Variants in PHRF1 observed in about 807,000 individuals in gnomAD.
PHRF1 encodes PHD and RING finger domain-containing protein 1.
A neutral mutation model predicts 128.9 loss-of-function variants in PHRF1; 53 were observed. That is an observed-to-expected ratio of 0.41 (90% CI 0.33 to 0.52). The LOEUF (loss-of-function observed/expected upper bound fraction) is 0.52, where lower values mean the gene tolerates loss of function less well. Ranked by LOEUF, PHRF1 falls within the 20% of genes least tolerant of loss-of-function variation. The pLI, the probability that PHRF1 is intolerant of heterozygous loss-of-function variation, is 0.21. For synonymous variants in PHRF1, 1,178 were observed against 980.6 expected, an observed-to-expected ratio of 1.20 and a Z score of -3.76; for missense variants, 2,503 against 2,284.5, an observed-to-expected ratio of 1.10 and a Z score of -1.95.
At chr11:576,857 AGACTGGGAG>A (rs1853877228) in intron 1 of PHRF1, among the ~76,000 whole-genome samples, 1 of 68,662 alleles carries the variant, frequency 1.5e-5, no homozygotes, top group South Asian at 4.2e-4. Context: ...GGCCCCGCCG[AGACTGGGAG>A]GCCCCGCCGA....
At chr11:582,357 C>T (rs778955797) in intron 3 of PHRF1, among the ~76,000 whole-genome samples, 14 of 151,414 alleles carry the variant, frequency 9.2e-5, no homozygotes, top group Non-Finnish European at 1.5e-4. Context: ...TTCTGCCTCC[C>T]GGGTTCAAGT....
At chr11:609,755 C>G (rs763344152) in intron 14 of PHRF1, 35 bp downstream of exon 14, 8 of 1,380,858 alleles carry the variant, frequency 5.8e-6, no homozygotes, top group Middle Eastern at 2.6e-4. Context: ...GAGGACAGAG[C>G]CCCCAGTGAG....
Position 605,306 on chromosome 11 carries a change from T to C in PHRF1, c.1334+6T>C. The C allele has an allele frequency of 1.2e-6, 2 of 1,611,942 alleles. No individual in the cohort carries two copies. The highest frequency in any genetic ancestry group is 1.1e-5 in the South Asian group (1 of 91,050). Reference sequence around the variant, plus strand: ...GAGCTGGATCCCTTCGACAGGTGAGTGAACTGGTGATGGTCCTGCCTGGGC... The same window carrying C: ...GAGCTGGATCCCTTCGACAGGTGAGCGAACTGGTGATGGTCCTGCCTGGGC... On this transcript the variant is annotated splice_donor_region_variant and intron_variant, in intron 11 of 17. Coordinates refer to ENST00000264555, the MANE Select transcript of PHRF1 (RefSeq NM_001286581.2).
At chr11:610,398 C>T (rs185727418) in intron 15 of PHRF1, 51 bp downstream of exon 15, 1,161 of 1,533,850 alleles carry the variant, frequency 7.6e-4, no homozygotes, top group Non-Finnish European at 9.2e-4. Flanking sequence ...GCCTGGCACC[C>T]GTGCCACACA....
At chr11:583,495 C>A (rs1460058293) in intron 3 of PHRF1, among the ~76,000 whole-genome samples, 4 of 152,152 alleles carry the variant, frequency 2.6e-5, no homozygotes, top group Non-Finnish European at 5.9e-5. Flanking sequence ...CCAGCCTGGG[C>A]CACAGAGCGA....
chr11:606,678 A>C, intron 13 of PHRF1, 82 bp downstream of exon 13: 4 of 1,480,508 alleles, frequency 2.7e-6, no homozygotes, highest in Non-Finnish European at 3.6e-6. Flanking sequence ...CCCATGTCTC[A>C]GTCACGGAAG....
At chr11:609,981 G>A (rs902270322) in intron 14 of PHRF1, among the ~76,000 whole-genome samples, 3 of 152,216 alleles carry the variant, frequency 2.0e-5, no homozygotes, top group South Asian at 2.1e-4. Flanking sequence ...AGTGGGTGTG[G>A]GGGTCTCCTG....
At chr11:602,761 GT>G (rs1374012486) in intron 10 of PHRF1, among the ~76,000 whole-genome samples, 1 of 137,124 alleles carries the variant, frequency 7.3e-6, no homozygotes, top group African/African-American at 3.3e-5. Context: ...TTTTGTTTTT[GT>G]TTTTTTTGTT....
At chr11:590,852 C>T (rs776713508) in intron 4 of PHRF1, among the ~76,000 whole-genome samples, 22 of 151,934 alleles carry the variant, frequency 1.4e-4, no homozygotes, top group Non-Finnish European at 2.5e-4. Flanking sequence ...TACAGGTATG[C>T]GCCACCACAC....
chr11:604,397 G>A (rs1422340815), intron 10 of PHRF1, among the ~76,000 whole-genome samples: 6 of 152,262 alleles, frequency 3.9e-5, no homozygotes, highest in African/African-American at 7.2e-5. Context: ...TGCCCTGTCC[G>A]CTCTGCCTAG....
At chr11:586,137 A>G (rs1295716685) in intron 3 of PHRF1, among the ~76,000 whole-genome samples, 5 of 152,174 alleles carry the variant, frequency 3.3e-5, no homozygotes, top group Non-Finnish European at 4.4e-5. Flanking sequence ...CTAGGATTAC[A>G]GGCTTGAGCC....
Position 587,323 on chromosome 11 carries a change from G to A in PHRF1, c.279G>A (p.Leu93=). 1 of 1,613,760 alleles carries A rather than the reference G, an allele frequency of 6.2e-7. No individual in the cohort carries two copies. The highest frequency in any genetic ancestry group is 1.3e-5 in the African/African-American group (1 of 75,056). ...AGGTAGCGGGTACTCAGGGGAAACT[G>A]GAAGCCGCTGGCTCTTTCAATTCTG... ...LLEVAGTQGK[L]EAAGSFNSDD... The change falls in exon 4 of 18, where the codon CTG becomes CTA. Residue 93 remains leucine, a synonymous_variant. Transcript: ENST00000264555.
At chr11:611,513 G>A (rs148312667) in intron 17 of PHRF1, 121 bp from the exon 18 acceptor site, 20,365 of 1,405,672 alleles carry the variant, frequency 0.014, 177 homozygotes, top group Middle Eastern at 0.04. Context: ...GTCTGTCTGC[G>A]TGCTGCACCT....
chr11:607,946 C>T lies in PHRF1; in HGVS notation c.2490C>T (p.Tyr830=), dbSNP rs553665434. Residue 830 remains tyrosine, a synonymous_variant, in exon 14 of 18, where the codon TAC becomes TAT. Coordinates refer to ENST00000264555, the MANE Select transcript of PHRF1 (RefSeq NM_001286581.2). ...CGAAGCAGCTGCGGAGCGAGGTCTACGACCCATCCGACCCCACCGGCTCCG... is the reference window on the plus strand; with the variant it reads ...CGAAGCAGCTGCGGAGCGAGGTCTATGACCCATCCGACCCCACCGGCTCCG... ...KKTKQLRSEV[Y]DPSDPTGSDS... The T allele has an allele frequency of 4.5e-5, 72 of 1,612,192 alleles. No homozygotes were observed. Among genetic ancestry groups the T allele is most frequent in the Non-Finnish European group, 5.4e-5 (64 of 1,179,864 alleles).
Position 605,188 on chromosome 11 carries a change from A to G in PHRF1, c.1222A>G (p.Ile408Val). 1 of 1,613,592 alleles carries G rather than the reference A, an allele frequency of 6.2e-7. No homozygotes were observed. The highest frequency in any genetic ancestry group is 8.5e-7 in the Non-Finnish European group (1 of 1,179,872). The change falls in exon 11 of 18, where the codon ATC (isoleucine) becomes GTC (valine). Residue 408 changes from isoleucine to valine, a missense_variant. Transcript: ENST00000264555. ...GLRRPVHSSC[I>V]PSVLKPVEPS... ...GCGCAGGCCTGTTCACAGCAGCTGC[A>G]TCCCGTCAGTGTTGAAGCCAGTGGA...
intron 6 of PHRF1, among the ~76,000 whole-genome samples, chr11:592,945 G>A (rs2132952012): frequency 6.6e-6 from 1 of 152,358 alleles, no homozygotes; most frequent in Admixed American, 6.5e-5. Context: ...AGGAGGCTGT[G>A]GGGCTGGTCA....
At position 587,279 on chromosome 11, in the gene PHRF1, G is replaced by A. The variant is rs375337887; in HGVS notation, c.235G>A (p.Asp79Asn). 48 of 1,613,364 alleles carry A rather than the reference G, an allele frequency of 3.0e-5. No individual in the cohort carries two copies. The highest frequency in any genetic ancestry group is 2.8e-4 in the Admixed American group (17 of 59,996). The change falls in exon 4 of 18, where the codon GAC (aspartate) becomes AAC (asparagine). Residue 79 changes from aspartate (D) to asparagine (N), a missense_variant. By Grantham distance (23) the Asp-to-Asn change is conservative (BLOSUM62 1). Coordinates refer to ENST00000264555, the MANE Select transcript of PHRF1 (RefSeq NM_001286581.2). ...DRSGSEDSEDDGETLLEVAGT... is the reference protein window; with the variant it reads ...DRSGSEDSEDNGETLLEVAGT... ...TCCAGGTTCCGAGGATTCTGAAGAC[G>A]ACGGGGAGACATTGCTGGAGGTAGC...
At chr11:610,459 C>T (rs1275081133) in intron 15 of PHRF1, 42 bp from the exon 16 acceptor site, 1 of 1,579,442 alleles carries the variant, frequency 6.3e-7, no homozygotes, top group East Asian at 2.3e-5. Context: ...CACAGAGCTG[C>T]TAGCTGTAGG....
chr11:607,475 A>G lies in PHRF1; in HGVS notation c.2019A>G (p.Arg673=), dbSNP rs561615027. The change falls in exon 14 of 18, where the codon AGA becomes AGG. Residue 673 remains arginine, a synonymous_variant. Transcript: ENST00000264555. The stretch of plus-strand genomic sequence containing the variant: ...CTCCCCTGAAGCCAGCGCCCAGAAG[A>G]ACAGACATCTCTGAGCTACCCAGGA... ...PGPPLKPAPR[R]TDISELPRIP... 22 of 1,612,840 alleles carry G rather than the reference A, an allele frequency of 1.4e-5. No homozygotes were observed. In the South Asian group the frequency reaches 2.4e-4, roughly 18 times the overall value.
Sources: gnomAD v4.1 joint callset for allele counts (sites outside exome capture counted in the v4.1 genomes callset) on GRCh38, gnomAD v4.1.1 for gene constraint, MANE v1.5 for transcripts, NCBI Gene and HGNC (gene_info 2026-07-23, HGNC 2026-07-21) for gene names.